The following COX10 variants were observed in gnomAD, a reference collection of about 807,000 sequenced individuals.
The protein encoded by COX10 is cytochrome c oxidase assembly factor heme A:farnesyltransferase COX10.
A neutral mutation model predicts 37.3 loss-of-function variants in COX10; 27 were observed. The ratio of observed to expected loss-of-function variants is 0.72; its 90% CI spans 0.53 to 1.00. The LOEUF is 1.00. Among genes scored for constraint, COX10 ranks in the 50% least tolerant of loss-of-function variants. The pLI is 0.00. For missense variants in COX10, 475 were observed against 563.2 expected (o/e 0.84, Z 1.59); for synonymous variants, 222 against 229.1 (o/e 0.97, Z 0.28).
intron 4 of COX10, among the ~76,000 whole-genome samples, chr17:14,126,031 A>G (rs1381490931): frequency 6.6e-6 from 1 of 152,230 alleles, no homozygotes; most frequent in African/African-American, 2.4e-5. Context: ...ATGCTAATTC[A>G]GTGTCAATTA....
intron 3 of COX10, among the ~76,000 whole-genome samples, chr17:14,092,007 A>C (rs1261079695): frequency 6.6e-6 from 1 of 152,176 alleles, no homozygotes; most frequent in Non-Finnish European, 1.5e-5. Flanking sequence ...AAGTTAATTA[A>C]AAAGGTTATA....
intron 6 of COX10, among the ~76,000 whole-genome samples, chr17:14,195,211 T>A (rs1419295047): frequency 6.6e-6 from 1 of 152,232 alleles, no homozygotes; most frequent in Non-Finnish European, 1.5e-5. Context: ...AGCAAATACT[T>A]AATTGAATGA....
chr17:14,112,902 G>A (rs1916035317), intron 4 of COX10, among the ~76,000 whole-genome samples: 1 of 152,110 alleles, frequency 6.6e-6, no homozygotes, highest in Non-Finnish European at 1.5e-5. Flanking sequence ...GAAGCAGGAG[G>A]GCAGGCCGAG....
At chr17:14,125,784 C>T (rs984899727) in intron 4 of COX10, among the ~76,000 whole-genome samples, 4 of 152,138 alleles carry the variant, frequency 2.6e-5, no homozygotes, top group African/African-American at 9.7e-5. Context: ...TCTGAACTCA[C>T]AGTGAATGCA....
intron 3 of COX10, among the ~76,000 whole-genome samples, chr17:14,090,527 T>C (rs546736346): frequency 6.6e-6 from 1 of 152,300 alleles, no homozygotes. Context: ...CAGTGAGCTT[T>C]TACAAGGATG....
intron 4 of COX10, among the ~76,000 whole-genome samples, chr17:14,121,336 G>A (rs1387793492): frequency 3.3e-5 from 5 of 152,176 alleles, no homozygotes; most frequent in Non-Finnish European, 7.3e-5. Context: ...TAAGTCAGAA[G>A]CAAGGTTAAG....
chr17:14,088,835 C>T (rs1915467571), intron 3 of COX10, among the ~76,000 whole-genome samples: 1 of 152,034 alleles, frequency 6.6e-6, no homozygotes, highest in South Asian at 2.1e-4. Context: ...TGGTTTTTGT[C>T]CTCAGACCAT....
At chr17:14,160,011 C>A (rs1597528035) in intron 5 of COX10, 64 bp downstream of exon 5, 3 of 1,434,120 alleles carry the variant, frequency 2.1e-6, no homozygotes, top group Admixed American at 1.8e-5. Context: ...TCATCTGAAT[C>A]ATTTCCCACT....
chr17:14,148,963 C>T (rs1356980208), intron 4 of COX10, among the ~76,000 whole-genome samples: 10 of 146,926 alleles, frequency 6.8e-5, no homozygotes, highest in East Asian at 2.0e-4. Flanking sequence ...TAAAATATAA[C>T]GTTATATTTT....
At chr17:14,203,683 G>A (rs1017764501) in intron 6 of COX10, among the ~76,000 whole-genome samples, 2 of 152,138 alleles carry the variant, frequency 1.3e-5, no homozygotes, top group Admixed American at 6.5e-5. Context: ...ACAAACTGGG[G>A]CCCCTCAGTG....
intron 4 of COX10, among the ~76,000 whole-genome samples, chr17:14,155,329 TAA>T (rs11315138): frequency 0.61 from 87,734 of 144,782 alleles, 26,937 homozygotes; most frequent in East Asian, 0.7. Context: ...AACATCTACA[TAA>T]AAAAAAAAAA....
At position 14,207,367 on chromosome 17, in the gene COX10, A is replaced by C. The variant is rs1320943035; in HGVS notation, c.*154A>C. ...CACTTGACAGTTTTTTTTTTTTTTA[A>C]ATATTACCCAAAATGCTCCCCAAAT... On this transcript the variant is annotated 3_prime_UTR_variant, in exon 7 of 7. Coordinates refer to ENST00000261643, the MANE Select transcript of COX10 (RefSeq NM_001303.4). 2.3e-6 allele frequency: 2 copies of C among 884,692 alleles called. No homozygotes were observed. Among genetic ancestry groups the C allele is most frequent in the Admixed American group, 3.0e-5 (1 of 32,794 alleles). The allele number at this position is 884,692 out of a possible 1,614,324, so 54.8% of individuals were successfully genotyped here.
At chr17:14,128,260 A>G (rs945906182) in intron 4 of COX10, among the ~76,000 whole-genome samples, 1 of 152,010 alleles carries the variant, frequency 6.6e-6, no homozygotes, top group Non-Finnish European at 1.5e-5. Context: ...TAATGATGCA[A>G]TTTTGAGCAT....
Position 14,089,702 on chromosome 17 carries a change from C to T in COX10, c.500-12416C>T, listed in dbSNP as rs574642430. On this transcript the variant is annotated intron_variant, in intron 3 of 6. Transcript: ENST00000261643. Reference sequence around the variant, plus strand: ...AAGATTCTACCATCAACCTAGAAAACTTCACTATTTCTAGGAGTTCTCAAA... The same window carrying T: ...AAGATTCTACCATCAACCTAGAAAATTTCACTATTTCTAGGAGTTCTCAAA... Among the ~76,000 whole-genome samples, 4 of 152,306 alleles carry T rather than the reference C, an allele frequency of 2.6e-5. No individual in the cohort carries two copies. In the East Asian group the frequency reaches 7.7e-4, roughly 29 times the overall value.
chr17:14,116,581 T>C (rs1658782517), intron 4 of COX10, among the ~76,000 whole-genome samples: 1 of 152,144 alleles, frequency 6.6e-6, no homozygotes, highest in South Asian at 2.1e-4. Flanking sequence ...GCTGGAGTCA[T>C]CAATGACTCC....
At chr17:14,193,129 G>A (rs1308821509) in intron 6 of COX10, among the ~76,000 whole-genome samples, 3 of 152,202 alleles carry the variant, frequency 2.0e-5, no homozygotes, top group Non-Finnish European at 2.9e-5. Context: ...GTGCTTGTGT[G>A]TTCTGTGATA....
intron 4 of COX10, among the ~76,000 whole-genome samples, chr17:14,120,953 T>C (rs1045791901): frequency 6.6e-6 from 1 of 152,180 alleles, no homozygotes; most frequent in African/African-American, 2.4e-5. Context: ...GCATTGGTTA[T>C]GTTTTCCTTC....
intron 5 of COX10, among the ~76,000 whole-genome samples, chr17:14,168,744 G>A (rs562622785): frequency 3.3e-5 from 5 of 152,154 alleles, no homozygotes; most frequent in Non-Finnish European, 5.9e-5. Flanking sequence ...GGGAAACAGA[G>A]TGCCCACCAT....
chr17:14,206,912 T>C lies in COX10; in HGVS notation c.1031T>C (p.Met344Thr). The C allele has an allele frequency of 6.2e-7, 1 of 1,613,952 alleles. No homozygotes were observed. Among genetic ancestry groups the C allele is most frequent in the Non-Finnish European group, 8.5e-7 (1 of 1,179,942 alleles). The change falls in exon 7 of 7, where the codon ATG (methionine) becomes ACG (threonine). Residue 344 changes from methionine to threonine, a missense_variant. By Grantham distance (81) the Met-to-Thr change is moderately conservative. Around this residue, in one of 5 missense-constraint regions of COX10, gnomAD observed 160 missense variants for 180.6 expected, o/e 0.89. Transcript: ENST00000261643. The stretch of plus-strand genomic sequence containing the variant: ...GACTACTCCCGGGGCGGCTACTGCA[T>C]GATGTCGGTCACCCACCCGGGCCTG... ...REDYSRGGYCMMSVTHPGLCR... is the reference protein window; with the variant it reads ...REDYSRGGYCTMSVTHPGLCR...
Sources: allele counts gnomAD v4.1 joint callset (sites outside exome capture counted in the v4.1 genomes callset), GRCh38; gene constraint gnomAD v4.1.1; regional missense constraint gnomAD v4.1.1; transcripts MANE v1.5; gene names NCBI Gene and HGNC (gene_info 2026-07-23, HGNC 2026-07-21).